The following TRHDE variants were observed in gnomAD, a reference collection of about 807,000 sequenced individuals.
The protein encoded by TRHDE is thyrotropin releasing hormone degrading enzyme.
TRHDE carries 72 observed loss-of-function variants against 125.7 expected under a neutral mutation model. The ratio of observed to expected loss-of-function variants is 0.57; its 90% confidence interval spans 0.47 to 0.70. TRHDE has a LOEUF of 0.70. TRHDE is among the 30% of genes least tolerant of loss of function. The pLI, the probability that TRHDE is intolerant of heterozygous loss-of-function variation, is 0.00. For synonymous variants in TRHDE, 509 were observed against 509.1 expected (o/e 1.00, Z 0.00); for missense variants, 1,110 against 1,327.1 (o/e 0.84, Z 2.54).
intron 3 of TRHDE, among the ~76,000 whole-genome samples, chr12:72,437,872 A>G (rs1874815674): frequency 6.6e-6 from 1 of 151,800 alleles, no homozygotes; most frequent in African/African-American, 2.4e-5. Context: ...AACTCTTAAA[A>G]TTGTTTCTTC....
intron 12 of TRHDE, among the ~76,000 whole-genome samples, chr12:72,602,686 G>T (rs919915111): frequency 2.6e-5 from 4 of 152,166 alleles, no homozygotes; most frequent in South Asian, 2.1e-4. Flanking sequence ...ATGAGAACCT[G>T]CAATATACAG....
chr12:72,427,954 A>G (rs956626497), intron 3 of TRHDE, among the ~76,000 whole-genome samples: 40 of 152,330 alleles, frequency 2.6e-4, no homozygotes, highest in South Asian at 2.1e-4. Flanking sequence ...TCATACCTCC[A>G]GAAGTGTAGT....
At chr12:72,105,084 T>A (rs1053273215) in intron 1 of TRHDE, among the ~76,000 whole-genome samples, 4 of 152,196 alleles carry the variant, frequency 2.6e-5, no homozygotes, top group Non-Finnish European at 5.9e-5. Context: ...GAGAGTCAGA[T>A]AGCCAAGGAA....
chr12:72,289,311 C>A (rs917049258), intron 2 of TRHDE, among the ~76,000 whole-genome samples: 1 of 151,980 alleles, frequency 6.6e-6, no homozygotes, highest in African/African-American at 2.4e-5. Context: ...GAGACATCAT[C>A]ATCACTGTTA....
At chr12:72,133,458 G>A (rs569946078) in intron 2 of TRHDE, among the ~76,000 whole-genome samples, 1 of 152,280 alleles carries the variant, frequency 6.6e-6, no homozygotes, top group East Asian at 1.9e-4. Flanking sequence ...GAGGGAGGAG[G>A]TGCTGGGGAA....
chr12:72,449,470 AT>A (rs549656354), intron 3 of TRHDE, among the ~76,000 whole-genome samples: 4 of 150,816 alleles, frequency 2.7e-5, no homozygotes, highest in Non-Finnish European at 5.9e-5. Flanking sequence ...TGCCTCTACT[AT>A]TTTTTTTCCT....
intron 2 of TRHDE, among the ~76,000 whole-genome samples, chr12:72,233,969 G>C (rs1878294938): frequency 6.6e-6 from 1 of 152,092 alleles, no homozygotes; most frequent in South Asian, 2.1e-4. Flanking sequence ...GCTCAATTCT[G>C]TGTTGTATTA....
chr12:72,253,492 G>A (rs1303547930), intron 2 of TRHDE: 1 of 152,060 alleles, frequency 6.6e-6, no homozygotes, highest in Non-Finnish European at 1.5e-5. Flanking sequence ...TCAGCATTAA[G>A]AATGACAGCT....
chr12:72,514,320 C>T (rs1292619996), intron 6 of TRHDE, among the ~76,000 whole-genome samples: 1 of 152,034 alleles, frequency 6.6e-6, no homozygotes, highest in Non-Finnish European at 1.5e-5. Context: ...ACACTGGATG[C>T]ATGACTTAGA....
chr12:72,637,436 G>C (rs1592588254), intron 15 of TRHDE, among the ~76,000 whole-genome samples: 1 of 151,550 alleles, frequency 6.6e-6, no homozygotes, highest in South Asian at 2.1e-4. Context: ...CAATTTTGTT[G>C]ATCCTTTCAA....
chr12:72,488,495 C>T (rs150131437), intron 5 of TRHDE, among the ~76,000 whole-genome samples: 341 of 151,920 alleles, frequency 2.2e-3, no homozygotes, highest in African/African-American at 7.6e-3. Flanking sequence ...CACTGGAGCA[C>T]CTAAATATGT....
At chr12:72,245,661 A>G (rs1397502102) in intron 2 of TRHDE, among the ~76,000 whole-genome samples, 1 of 152,092 alleles carries the variant, frequency 6.6e-6, no homozygotes, top group African/African-American at 2.4e-5. Flanking sequence ...ATGGAAATAC[A>G]CAATTTAATT....
At chr12:72,458,141 G>A (rs956109417) in intron 3 of TRHDE, among the ~76,000 whole-genome samples, 8 of 152,058 alleles carry the variant, frequency 5.3e-5, no homozygotes, top group African/African-American at 1.4e-4. Flanking sequence ...TATGTGATTC[G>A]ATTTGGTGTT....
Position 72,453,525 on chromosome 12 carries a change from C to T in TRHDE, c.1316-16233C>T, listed in dbSNP as rs1252046356. On this transcript the variant is annotated intron_variant, in intron 3 of 18. Coordinates refer to ENST00000261180, the MANE Select transcript of TRHDE (RefSeq NM_013381.3). ...CTGGCTATGTGGAAGAAAAGAAAAG[C>T]CCATTTTCAGGAGAAAAATTCAAGC... Among the ~76,000 whole-genome samples, 32 of 152,106 alleles carry T rather than the reference C, an allele frequency of 2.1e-4. 1 individual carries two copies. Among genetic ancestry groups the T allele is most frequent in the Admixed American group, 2.1e-3 (32 of 15,268 alleles).
At position 72,637,585 on chromosome 12, in the gene TRHDE, AT is replaced by A. The variant is rs1873820890; in HGVS notation, c.2676-14735del. On this transcript the variant is annotated intron_variant, in intron 15 of 18. Coordinates refer to ENST00000261180, the MANE Select transcript of TRHDE (RefSeq NM_013381.3). ...TGCTGTTGCTTTTCTAGTTCTTTTA[AT>A]TGTGATGTTAGGGTGTCAATTTTGG... Among the ~76,000 whole-genome samples the A allele has an allele frequency of 2.6e-5, 4 of 151,638 alleles. No homozygotes were observed. In the South Asian group the frequency reaches 8.4e-4, roughly 32 times the overall value.
intron 12 of TRHDE, among the ~76,000 whole-genome samples, chr12:72,592,564 T>TTC (rs112791654): frequency 2.0e-5 from 3 of 151,410 alleles, no homozygotes; most frequent in East Asian, 3.9e-4. Flanking sequence ...GATTTTTTTT[T>TTC]TCTCTCTCTC....
At chr12:72,642,775 G>A (rs757176134) in intron 15 of TRHDE, among the ~76,000 whole-genome samples, 32 of 152,228 alleles carry the variant, frequency 2.1e-4, no homozygotes, top group Middle Eastern at 3.4e-3. Context: ...CCCTCTCCTT[G>A]TAATCCTAAT....
intron 2 of TRHDE, among the ~76,000 whole-genome samples, chr12:72,156,593 GA>G (rs1876518339): frequency 6.6e-6 from 1 of 152,138 alleles, no homozygotes; most frequent in Non-Finnish European, 1.5e-5. Context: ...AAAATAGGAA[GA>G]AAAAAGATTG....
At chr12:72,655,528 C>T (rs1274353386) in intron 17 of TRHDE, among the ~76,000 whole-genome samples, 1 of 152,114 alleles carries the variant, frequency 6.6e-6, no homozygotes, top group African/African-American at 2.4e-5. Flanking sequence ...GCCATTTTCT[C>T]TCAGAAGCCA....
Sources: allele counts gnomAD v4.1 joint callset (sites outside exome capture counted in the v4.1 genomes callset), GRCh38; gene constraint gnomAD v4.1.1; transcripts MANE v1.5; gene names NCBI Gene and HGNC (gene_info 2026-07-23, HGNC 2026-07-21).